EMSY: variants seen among roughly 807,000 people sequenced by gnomAD.
EMSY encodes the protein EMSY transcriptional repressor, BRCA2 interacting, also known as BRCA2-interacting transcriptional repressor EMSY.
A neutral mutation model predicts 134.6 loss-of-function variants in EMSY; 26 were observed. The observed-to-expected ratio is 0.19, with a 90% CI of 0.14 to 0.27. The LOEUF is 0.27. Among genes scored for constraint, EMSY ranks in the 10% least tolerant of loss-of-function variants. The pLI is 1.00. For missense variants in EMSY, 1,305 were observed against 1,611.4 expected, an observed-to-expected ratio of 0.81 and a Z score of 3.26; for synonymous variants, 579 against 577.8, an observed-to-expected ratio of 1.00 and a Z score of -0.03.
rs145697953 is a variant in EMSY, at chr11:76,445,836, C to A, written c.-40+708C>A. On this transcript the variant is annotated intron_variant, in intron 1 of 20. Transcript: ENST00000334736. Reference sequence around the variant, plus strand: ...CCTTTGGCTCTGCCCCTTCTTCCTCCTCCCCACCCCTTTTCTTTATGTCAT... The same window carrying A: ...CCTTTGGCTCTGCCCCTTCTTCCTCATCCCCACCCCTTTTCTTTATGTCAT... 9.1e-3 allele frequency among the ~76,000 whole-genome samples: 1,390 copies of A among 152,270 alleles called. 21 individuals are homozygous for A. Among genetic ancestry groups the A allele is most frequent in the African/African-American group, 0.032 (1,323 of 41,548 alleles).
intron 4 of EMSY, 130 bp downstream of exon 5, chr11:76,454,920 C>A: frequency 1.5e-6 from 1 of 663,168 alleles, no homozygotes; most frequent in Non-Finnish European, 2.4e-6. Context: ...TTCTCTTCCC[C>A]TCCTCCCCCT....
exon 18 of EMSY, chr11:76,542,343 A>G: frequency 6.2e-7 from 1 of 1,614,162 alleles, no homozygotes. Flanking sequence ...CTTCCCCTGG[A>G]GCAATCACCC....
At chr11:76,524,042 C>T (rs1178455127) in intron 12 of EMSY, among the ~76,000 whole-genome samples, 2 of 151,998 alleles carry the variant, frequency 1.3e-5, no homozygotes, top group African/African-American at 4.8e-5. Flanking sequence ...AGAGTGAGAC[C>T]TTGCCTCAAA....
exon 19 of EMSY, chr11:76,544,569 T>G: frequency 1.2e-6 from 2 of 1,613,896 alleles, no homozygotes; most frequent in East Asian, 4.5e-5. Context: ...CTCACCCCTC[T>G]CCAGCAAGAA....
intron 8 of EMSY, among the ~76,000 whole-genome samples, chr11:76,476,861 T>C (rs1181918477): frequency 6.6e-6 from 1 of 152,184 alleles, no homozygotes; most frequent in Non-Finnish European, 1.5e-5. Flanking sequence ...ACTACTGTAT[T>C]GGTCATTGTT....
intron 11 of EMSY, among the ~76,000 whole-genome samples, chr11:76,518,703 A>ATATATATATATATATTT (rs57143914): frequency 7.7e-6 from 1 of 130,204 alleles, no homozygotes; most frequent in African/African-American, 2.9e-5. Flanking sequence ...ATATATATAT[A>ATATATATATATATATTT]TTTTTTTTTT....
intron 6 of EMSY, among the ~76,000 whole-genome samples, chr11:76,461,223 G>A (rs1948104397): frequency 6.6e-6 from 1 of 152,040 alleles, no homozygotes; most frequent in Non-Finnish European, 1.5e-5. Context: ...GTCAACTGGA[G>A]GTGATTAATA....
chr11:76,531,139 A>C (rs1392906830), intron 14 of EMSY, among the ~76,000 whole-genome samples: 1 of 152,060 alleles, frequency 6.6e-6, no homozygotes, highest in Non-Finnish European at 1.5e-5. Context: ...TGTTTCTTAT[A>C]TTTACTTACA....
chr11:76,542,064 T>C (rs2136684060), intron 17 of EMSY, 152 bp from the exon 19 acceptor site: 1 of 899,328 alleles, frequency 1.1e-6, no homozygotes, highest in East Asian at 2.5e-5. Context: ...ACACAGCTCA[T>C]AGATGGGCAG....
intron 9 of EMSY, among the ~76,000 whole-genome samples, chr11:76,506,676 C>G: frequency 6.6e-6 from 1 of 152,180 alleles, no homozygotes; most frequent in East Asian, 1.9e-4. Flanking sequence ...CCACCCGCCC[C>G]TATCACATTG....
Position 76,501,914 on chromosome 11 carries a change from A to G in EMSY, c.1363+5445A>G, listed in dbSNP as rs1949873167. 2.6e-5 allele frequency among the ~76,000 whole-genome samples: 4 copies of G among 152,116 alleles called. No individual in the cohort carries two copies. The South Asian group carries it at 8.3e-4, about 31-fold the overall frequency. ...AAATTGCTGAAATTCAAAGACAAAA[A>G]GAAAATCTTGAACACAGCAAGAGAA... On this transcript the variant is annotated intron_variant, in intron 9 of 20. Coordinates refer to ENST00000334736, the Ensembl canonical transcript of EMSY.
chr11:76,516,744 C>T (rs1282341272), intron 11 of EMSY: 1 of 152,258 alleles, frequency 6.6e-6, no homozygotes, highest in Non-Finnish European at 1.5e-5. Context: ...AGTGGAAGAA[C>T]TCTTATTTGT....
chr11:76,552,351 A>G (rs1951855957), downstream of EMSY: 1 of 152,200 alleles, frequency 6.6e-6, no homozygotes, highest in Non-Finnish European at 1.5e-5. Flanking sequence ...AGGTTTTTTT[A>G]TAAAGTGGAT....
At chr11:76,501,183 T>A (rs1949845031) in intron 9 of EMSY, among the ~76,000 whole-genome samples, 1 of 152,246 alleles carries the variant, frequency 6.6e-6, no homozygotes, top group African/African-American at 2.4e-5. Context: ...ATATTTTTGA[T>A]CCATGGTTGC....
At position 76,450,112 on chromosome 11, in the gene EMSY, G is replaced by T. The variant is rs1947595391; in HGVS notation, c.71-1746G>T. On this transcript the variant is annotated intron_variant, in intron 2 of 20. Transcript: ENST00000334736. ...GCACACAATTCTCTTTCTGATTAAA[G>T]CTTCTGCTTCTACGCTAGATGATGT... Among the ~76,000 whole-genome samples the T allele has an allele frequency of 6.2e-5, 9 of 145,250 alleles. No homozygotes were observed. In the South Asian group the frequency reaches 2.0e-3, roughly 32 times the overall value.
intron 5 of EMSY, chr11:76,459,182 A>G (rs1480342604): frequency 1.3e-5 from 2 of 152,200 alleles, no homozygotes; most frequent in Non-Finnish European, 2.9e-5. Flanking sequence ...AGTTTCCACT[A>G]GTCAAATCCA....
intron 9 of EMSY, among the ~76,000 whole-genome samples, chr11:76,503,650 A>C (rs926025115): frequency 6.6e-6 from 1 of 152,248 alleles, no homozygotes; most frequent in African/African-American, 2.4e-5. Context: ...TAAAACTATC[A>C]AACTCTTAGA....
intron 9 of EMSY, among the ~76,000 whole-genome samples, chr11:76,509,150 G>A (rs1354559283): frequency 6.6e-6 from 1 of 152,108 alleles, no homozygotes; most frequent in African/African-American, 2.4e-5. Context: ...TCATCAAAAT[G>A]TGACACAGAC....
At chr11:76,506,776 C>A (rs115834679) in intron 9 of EMSY, among the ~76,000 whole-genome samples, 8 of 152,060 alleles carry the variant, frequency 5.3e-5, no homozygotes, top group African/African-American at 9.7e-5. Flanking sequence ...GAAAATAAAT[C>A]GAAAATCCCG....
Sources: allele counts gnomAD v4.1 joint callset (sites outside exome capture counted in the v4.1 genomes callset), GRCh38; gene constraint gnomAD v4.1.1; transcripts MANE v1.5; gene names NCBI Gene and HGNC (gene_info 2026-07-23, HGNC 2026-07-21).